Variants in MIR2052HG observed in about 807,000 individuals in gnomAD.
MIR2052HG encodes the protein MIR2052 host gene.
intron 2 of MIR2052HG, among the ~76,000 whole-genome samples, chr8:74,614,341 C>T (rs1808245200): frequency 6.6e-6 from 1 of 152,090 alleles, no homozygotes; most frequent in Non-Finnish European, 1.5e-5. Flanking sequence ...TTTTTCTCTG[C>T]ATTCAGAATC....
chr8:74,600,598 A>C (rs1231060304), intron 1 of MIR2052HG, among the ~76,000 whole-genome samples: 1 of 151,604 alleles, frequency 6.6e-6, no homozygotes, highest in Non-Finnish European at 1.5e-5. Flanking sequence ...AAAAAAAAAA[A>C]AGAGACGGAG....
At chr8:74,742,199 G>C (rs1809838035) in intron 4 of MIR2052HG, among the ~76,000 whole-genome samples, 1 of 152,138 alleles carries the variant, frequency 6.6e-6, no homozygotes, top group African/African-American at 2.4e-5. Flanking sequence ...GATCACAAAA[G>C]ATTGGTTTAA....
intron 4 of MIR2052HG, among the ~76,000 whole-genome samples, chr8:74,748,750 T>C (rs1478134467): frequency 1.3e-5 from 2 of 152,128 alleles, no homozygotes; most frequent in Non-Finnish European, 2.9e-5. Context: ...ATTTCAGGGA[T>C]AAAGGAAAAA....
chr8:74,631,008 C>T (rs746232772), intron 2 of MIR2052HG, among the ~76,000 whole-genome samples: 6 of 152,222 alleles, frequency 3.9e-5, no homozygotes, highest in Non-Finnish European at 8.8e-5. Context: ...AGGCAAATAT[C>T]GTTCTCCATT....
intron 4 of MIR2052HG, among the ~76,000 whole-genome samples, chr8:74,739,218 G>A (rs1809801961): frequency 6.6e-6 from 1 of 152,298 alleles, no homozygotes; most frequent in East Asian, 1.9e-4. Flanking sequence ...TGGTTCTTGT[G>A]TTTAATAAAA....
chr8:74,646,583 T>A (rs529074887), intron 2 of MIR2052HG, among the ~76,000 whole-genome samples: 81 of 152,300 alleles, frequency 5.3e-4, no homozygotes, highest in Middle Eastern at 3.4e-3. Flanking sequence ...CAAAAAGATA[T>A]GTTTTATAGA....
chr8:74,725,766 A>G (rs1195434399), intron 4 of MIR2052HG, among the ~76,000 whole-genome samples: 1 of 152,088 alleles, frequency 6.6e-6, no homozygotes, highest in Non-Finnish European at 1.5e-5. Flanking sequence ...GTGCATTTTA[A>G]TTGCTCTTCT....
chr8:74,665,481 C>A (rs1808912658), intron 2 of MIR2052HG, among the ~76,000 whole-genome samples: 1 of 152,122 alleles, frequency 6.6e-6, no homozygotes, highest in Non-Finnish European at 1.5e-5. Context: ...TCACCAATGA[C>A]CTCCCCAAAA....
At position 74,703,910 on chromosome 8, in the gene MIR2052HG, A is replaced by G. The variant is rs28597905; in HGVS notation, n.371+228A>G. Reference sequence around the variant, plus strand: ...CACTGATAAGCACCGGTGCTACCATATTACAATAAGTGGAGATCCTGTACT... The same window carrying G: ...CACTGATAAGCACCGGTGCTACCATGTTACAATAAGTGGAGATCCTGTACT... On this transcript the variant is annotated intron_variant and non_coding_transcript_variant, in intron 4 of 6. Transcript: ENST00000523442. 6.6e-3 allele frequency among the ~76,000 whole-genome samples: 1,007 copies of G among 152,142 alleles called. 9 individuals carry two copies. Among genetic ancestry groups the G allele is most frequent in the African/African-American group, 0.023 (951 of 41,534 alleles).
At chr8:74,713,897 G>A (rs1422234029) in intron 4 of MIR2052HG, among the ~76,000 whole-genome samples, 2 of 151,978 alleles carry the variant, frequency 1.3e-5, no homozygotes, top group Non-Finnish European at 2.9e-5. Context: ...ATCTTAAGTT[G>A]GATTCAGAAG....
chr8:74,630,228 C>T (rs1412062702), intron 2 of MIR2052HG, among the ~76,000 whole-genome samples: 1 of 151,952 alleles, frequency 6.6e-6, no homozygotes, highest in East Asian at 1.9e-4. Context: ...AAGAATACTC[C>T]CCTCCTTACC....
chr8:74,621,747 C>T (rs1808364030), intron 2 of MIR2052HG, among the ~76,000 whole-genome samples: 1 of 152,156 alleles, frequency 6.6e-6, no homozygotes, highest in South Asian at 2.1e-4. Context: ...ACCACCGGAA[C>T]AGAATGGAGA....
At chr8:74,703,016 G>C (rs1586918277) in intron 3 of MIR2052HG, among the ~76,000 whole-genome samples, 1 of 152,014 alleles carries the variant, frequency 6.6e-6, no homozygotes, top group African/African-American at 2.4e-5. Flanking sequence ...ATGTTGAAGG[G>C]GGTCCTGCAA....
intron 5 of MIR2052HG, chr8:74,757,684 G>C (rs1395029699): frequency 6.6e-6 from 1 of 152,154 alleles, no homozygotes; most frequent in Non-Finnish European, 1.5e-5. Context: ...CATATTGTAA[G>C]ATTGTTACAG....
intron 4 of MIR2052HG, among the ~76,000 whole-genome samples, chr8:74,712,700 CTT>C (rs34899536): frequency 7.0e-6 from 1 of 143,454 alleles, no homozygotes. Context: ...CTTTTTCTGC[CTT>C]TTTTTTTTTT....
chr8:74,648,456 A>G (rs1286340844), intron 2 of MIR2052HG, among the ~76,000 whole-genome samples: 2 of 152,078 alleles, frequency 1.3e-5, no homozygotes, highest in African/African-American at 2.4e-5. Context: ...CAGTAATTCT[A>G]ATTTTGCCTT....
rs144311646 is a variant in MIR2052HG at position 74,665,200 on chromosome 8, A to G, written n.217-37179A>G. Among the ~76,000 whole-genome samples the G allele has an allele frequency of 2.4e-3, 359 of 152,294 alleles. 1 individual carries two copies. Among genetic ancestry groups the G allele is most frequent in the African/African-American group, 7.9e-3 (329 of 41,542 alleles). On this transcript the variant is annotated intron_variant and non_coding_transcript_variant, in intron 2 of 6. Transcript: ENST00000523442. ...GCCTTTTTTGATTTCGAATTTGCCA[A>G]TATGCTACTCTCCCACATCTTTACA... is the stretch of plus-strand genomic sequence containing the variant.
At chr8:74,607,012 C>T (rs1808121020) in intron 1 of MIR2052HG, among the ~76,000 whole-genome samples, 1 of 151,114 alleles carries the variant, frequency 6.6e-6, no homozygotes, top group Non-Finnish European at 1.5e-5. Flanking sequence ...CTAAAAATCC[C>T]AACTAAAAGG....
At chr8:74,671,720 A>G (rs1325082426) in intron 2 of MIR2052HG, among the ~76,000 whole-genome samples, 1 of 152,144 alleles carries the variant, frequency 6.6e-6, no homozygotes, top group Admixed American at 6.6e-5. Flanking sequence ...TTAGTTAATC[A>G]TGGTCCTTCA....
Sources: allele counts gnomAD v4.1 joint callset (sites outside exome capture counted in the v4.1 genomes callset), GRCh38; gene constraint gnomAD v4.1.1; transcripts MANE v1.5; gene names NCBI Gene and HGNC (gene_info 2026-07-23, HGNC 2026-07-21).